Variants in ASAP1 observed in about 807,000 individuals in gnomAD.
The protein encoded by ASAP1 is ArfGAP with SH3 domain, ankyrin repeat and PH domain 1, also known as arf-GAP with SH3 domain, ANK repeat and PH domain-containing protein 1.
ASAP1 carries 43 observed loss-of-function variants against 145.2 expected under a neutral mutation model. The observed-to-expected ratio is 0.30, with a 90% confidence interval of 0.23 to 0.38. The LOEUF is 0.38. Among genes scored for constraint, ASAP1 ranks in the 10% least tolerant of loss-of-function variants. The probability of loss-of-function intolerance (pLI) is 1.00; values close to 1 mark genes in which losing one functional copy is unlikely to be tolerated. For synonymous variants in ASAP1, 546 were observed against 515.5 expected (o/e 1.06, Z -0.80); for missense variants, 1,018 against 1,355.3 (o/e 0.75, Z 3.91).
intron 24 of ASAP1, among the ~76,000 whole-genome samples, chr8:130,109,784 T>A (rs1328019932): frequency 6.6e-6 from 1 of 152,246 alleles, no homozygotes; most frequent in Non-Finnish European, 1.5e-5. Flanking sequence ...GCATGTGAGC[T>A]GAGCTAGCTA....
intron 2 of ASAP1, 89 bp downstream of exon 2, chr8:130,401,796 A>G: frequency 8.1e-7 from 1 of 1,240,102 alleles, no homozygotes; most frequent in Non-Finnish European, 1.2e-6. Context: ...CTTGTGTTTG[A>G]TAAAATTTTG....
chr8:130,292,223 T>C (rs1302878253), intron 3 of ASAP1, among the ~76,000 whole-genome samples: 1 of 152,178 alleles, frequency 6.6e-6, no homozygotes, highest in Non-Finnish European at 1.5e-5. Context: ...TTAACATGTA[T>C]GAAGGACCAA....
At chr8:130,307,088 C>T (rs897512648) in intron 3 of ASAP1, among the ~76,000 whole-genome samples, 1 of 152,286 alleles carries the variant, frequency 6.6e-6, no homozygotes, top group East Asian at 1.9e-4. Flanking sequence ...TCTATCAAGT[C>T]ACCCTATTTG....
intron 1 of ASAP1, among the ~76,000 whole-genome samples, chr8:130,438,628 TA>T (rs1024994242): frequency 1.3e-5 from 2 of 152,070 alleles, no homozygotes; most frequent in African/African-American, 4.8e-5. Context: ...CATGGGTTGG[TA>T]AATTTAATTT....
chr8:130,273,480 C>T (rs1423855583), intron 3 of ASAP1, among the ~76,000 whole-genome samples: 2 of 152,122 alleles, frequency 1.3e-5, no homozygotes, highest in Non-Finnish European at 2.9e-5. Context: ...AAAAATAAAC[C>T]ACATCCAATA....
chr8:130,296,513 T>C (rs1011141315), intron 3 of ASAP1, among the ~76,000 whole-genome samples: 10 of 151,920 alleles, frequency 6.6e-5, no homozygotes, highest in Admixed American at 2.6e-4. Flanking sequence ...CTTCCCTTTT[T>C]TTTTTTTTTT....
intron 12 of ASAP1, among the ~76,000 whole-genome samples, chr8:130,157,820 G>A (rs1187430361): frequency 6.6e-6 from 1 of 151,982 alleles, no homozygotes; most frequent in East Asian, 1.9e-4. Context: ...CTGTATAATA[G>A]CAAGAACCAC....
In ASAP1 at chr8:130,072,824, T is replaced by TGTGTGTGTGTGTGTGTGCACGCGCGCGC; in HGVS notation, c.2701+3523_2701+3524insGCGCGCGCGTGCACACACACACACACAC. Among the ~76,000 whole-genome samples the TGTGTGTGTGTGTGTGTGCACGCGCGCGC allele has an allele frequency of 2.5e-3, 82 of 32,300 alleles. 6 individuals carry two copies. The highest frequency in any genetic ancestry group is 3.9e-3 in the Admixed American group (11 of 2,786). 21.2% of individuals were successfully genotyped at this position (32,300 alleles called of 152,430 possible). A position where few individuals can be genotyped will look rare whatever the true frequency, so the allele number is the denominator to read the frequency against. ...GTGTGTGTGTGTGTGTGTGTGTGTG[T>TGTGTGTGTGTGTGTGTGCACGCGCGCGC]GCGCGCGGGGGGGGGCAGTTTTGGG... On this transcript the variant is annotated intron_variant, in intron 27 of 29. Transcript: ENST00000518721.
At chr8:130,428,188 T>C (rs941097210) in intron 1 of ASAP1, among the ~76,000 whole-genome samples, 1 of 152,074 alleles carries the variant, frequency 6.6e-6, no homozygotes, top group African/African-American at 2.4e-5. Flanking sequence ...CCCTCTTCAG[T>C]GTCCATCTCA....
chr8:130,294,106 C>G (rs1293374631), intron 3 of ASAP1, among the ~76,000 whole-genome samples: 4 of 152,186 alleles, frequency 2.6e-5, no homozygotes, highest in Non-Finnish European at 5.9e-5. Context: ...TACGAAGAAA[C>G]AATGGCTGGT....
rs2083820312 is a variant in ASAP1, at chr8:130,358,731, C to CCCCGGCCCGGCCCCCG, written c.60-604_60-589dup. On this transcript the variant is annotated intron_variant, in intron 2 of 29. Transcript: ENST00000518721. The surrounding 1 kb of genome is among the most constrained non-coding windows in gnomAD (Gnocchi z 4.1). Reference sequence around the variant, plus strand: ...CGGTCCCTCCCCGCCCGCGCCCCGCCCCCGGCCCGGCCCCCGCCCCGCCCC... The same window carrying CCCCGGCCCGGCCCCCG: ...CGGTCCCTCCCCGCCCGCGCCCCGCCCCCGGCCCGGCCCCCGCCCGGCCCGGCCCCCGCCCCGCCCC... Among the ~76,000 whole-genome samples, 1 of 141,220 alleles carries CCCCGGCCCGGCCCCCG rather than the reference C, an allele frequency of 7.1e-6. No homozygotes were observed. The highest frequency in any genetic ancestry group is 2.5e-5 in the African/African-American group (1 of 39,338). The allele number at this position is 141,220 out of a possible 152,430, so 92.6% of individuals were successfully genotyped here. A position where few individuals can be genotyped will look rare whatever the true frequency, so the allele number is the denominator to read the frequency against.
intron 5 of ASAP1, among the ~76,000 whole-genome samples, chr8:130,190,234 T>G (rs906620802): frequency 1.3e-5 from 2 of 152,238 alleles, no homozygotes; most frequent in African/African-American, 4.8e-5. Context: ...CTGAGAGCAA[T>G]GTGCTGGAGA....
chr8:130,421,254 G>C (rs1472495109), intron 1 of ASAP1, among the ~76,000 whole-genome samples: 4 of 152,152 alleles, frequency 2.6e-5, no homozygotes, highest in Non-Finnish European at 2.9e-5. Flanking sequence ...TCCAGACTAG[G>C]GGTTGGCAAA....
intron 3 of ASAP1, among the ~76,000 whole-genome samples, chr8:130,254,531 A>C (rs181943923): frequency 5.9e-5 from 9 of 152,366 alleles, no homozygotes; most frequent in Non-Finnish European, 1.0e-4. Flanking sequence ...CTGATAAAAA[A>C]GTTTTACCCC....
At chr8:130,416,375 T>C (rs897802573) in intron 1 of ASAP1, among the ~76,000 whole-genome samples, 1 of 152,198 alleles carries the variant, frequency 6.6e-6, no homozygotes, top group African/African-American at 2.4e-5. Context: ...TAAATGTTTG[T>C]TGAATGAATT....
intron 9 of ASAP1, among the ~76,000 whole-genome samples, chr8:130,175,218 G>T (rs1813870906): frequency 6.6e-6 from 1 of 151,590 alleles, no homozygotes; most frequent in Admixed American, 6.6e-5. Context: ...CTGGCCATTT[G>T]TGTGTGTGTG....
chr8:130,277,605 T>C (rs774876836), intron 3 of ASAP1, among the ~76,000 whole-genome samples: 4 of 152,136 alleles, frequency 2.6e-5, no homozygotes, highest in Admixed American at 6.5e-5. Context: ...AGTGTCATAA[T>C]AGTCTAAATC....
chr8:130,293,605 A>G (rs1822077459), intron 3 of ASAP1, among the ~76,000 whole-genome samples: 1 of 152,038 alleles, frequency 6.6e-6, no homozygotes, highest in Admixed American at 6.6e-5. Flanking sequence ...CCCCACCACA[A>G]TCAGCCCCAG....
chr8:130,211,384 A>T (rs1162586490), intron 5 of ASAP1, among the ~76,000 whole-genome samples: 1 of 152,182 alleles, frequency 6.6e-6, no homozygotes, highest in South Asian at 2.1e-4. Context: ...TTCACATAAC[A>T]TCTCACTTGA....
Sources: allele counts gnomAD v4.1 joint callset (sites outside exome capture counted in the v4.1 genomes callset), GRCh38; gene constraint gnomAD v4.1.1; non-coding constraint Gnocchi (gnomAD v3.1); transcripts MANE v1.5; gene names NCBI Gene and HGNC (gene_info 2026-07-23, HGNC 2026-07-21).